The following FBXL5 variants were observed in gnomAD, a reference collection of about 807,000 sequenced individuals.
FBXL5 encodes the protein F-box and leucine rich repeat protein 5, also known as F-box/LRR-repeat protein 5.
Under a neutral mutation model 78.3 loss-of-function variants are expected in FBXL5, and 26 were observed. The observed-to-expected ratio is 0.33, with a 90% confidence interval of 0.24 to 0.46. The LOEUF (loss-of-function observed/expected upper bound fraction) is 0.46, where lower values mean the gene tolerates loss of function less well. Ranked by LOEUF, FBXL5 falls within the 20% of genes least tolerant of loss-of-function variation. The pLI is 1.00. For missense variants in FBXL5, 710 were observed against 829.2 expected (o/e 0.86, Z 1.77); for synonymous variants, 295 against 282.5 (o/e 1.04, Z -0.45).
intron 9 of FBXL5, among the ~76,000 whole-genome samples, chr4:15,621,344 T>C (rs1007521191): frequency 2.0e-4 from 31 of 152,312 alleles, no homozygotes; most frequent in African/African-American, 6.7e-4. Flanking sequence ...AGAAATAAAA[T>C]TGTATTTACA....
At chr4:15,616,096 C>G (rs1379786648) in intron 9 of FBXL5, among the ~76,000 whole-genome samples, 4 of 152,106 alleles carry the variant, frequency 2.6e-5, no homozygotes, top group African/African-American at 9.7e-5. Context: ...CCGCGAAGGT[C>G]TGCAGCTTCA....
intron 1 of FBXL5, among the ~76,000 whole-genome samples, chr4:15,645,800 T>C (rs1715293817): frequency 1.3e-5 from 2 of 152,218 alleles, no homozygotes; most frequent in Admixed American, 6.5e-5. Context: ...ACATGGTTGT[T>C]AGTACTCAAT....
At chr4:15,632,262 C>T (rs184305643) in intron 5 of FBXL5, among the ~76,000 whole-genome samples, 2 of 152,166 alleles carry the variant, frequency 1.3e-5, no homozygotes, top group Non-Finnish European at 2.9e-5. Context: ...TGTTCTGTTC[C>T]ATTGGTCTAT....
intron 1 of FBXL5, among the ~76,000 whole-genome samples, chr4:15,676,470 T>C (rs1024391732): frequency 6.6e-6 from 1 of 152,202 alleles, no homozygotes; most frequent in African/African-American, 2.4e-5. Flanking sequence ...CTCTGTTATA[T>C]ATTAAGAGAG....
intron 9 of FBXL5, among the ~76,000 whole-genome samples, chr4:15,620,825 AC>A (rs1712403145): frequency 6.6e-6 from 1 of 152,278 alleles, no homozygotes; most frequent in Non-Finnish European, 1.5e-5. Context: ...TTCTTAAGCC[AC>A]AAACAATTGC....
upstream of FBXL5, among the ~76,000 whole-genome samples, chr4:15,655,731 C>T (rs1010210957): frequency 1.3e-5 from 2 of 152,220 alleles, no homozygotes; most frequent in African/African-American, 4.8e-5. Flanking sequence ...GCGAGCTCTG[C>T]TTGTGCCCAC....
intron 1 of FBXL5, among the ~76,000 whole-genome samples, chr4:15,648,120 T>G (rs1715560206): frequency 6.6e-6 from 1 of 152,124 alleles, no homozygotes; most frequent in African/African-American, 2.4e-5. Flanking sequence ...GCATCCTGAG[T>G]TGCTGAGATT....
At chr4:15,610,900 TG>T (rs1722209209) in intron 10 of FBXL5, among the ~76,000 whole-genome samples, 3 of 152,130 alleles carry the variant, frequency 2.0e-5, no homozygotes, top group Admixed American at 2.0e-4. Flanking sequence ...CCTTAGGAAG[TG>T]GAAGTATAGC....
intron 1 of FBXL5, among the ~76,000 whole-genome samples, chr4:15,651,235 TA>T (rs1218151557): frequency 6.6e-6 from 1 of 152,106 alleles, no homozygotes; most frequent in African/African-American, 2.4e-5. Context: ...CTGTTTTGCA[TA>T]AAATCATAGA....
Position 15,625,576 on chromosome 4 carries a change from G to C in FBXL5, c.1526C>G (p.Thr509Arg), listed in dbSNP as rs139340203. 5.0e-6 allele frequency: 8 copies of C among 1,614,046 alleles called. No individual in the cohort carries two copies. The African/African-American group carries it at 1.1e-4, about 22-fold the overall frequency. ...RNVESLCVMETASNFSCSTSG... is the reference protein window; with the variant it reads ...RNVESLCVMERASNFSCSTSG... The stretch of plus-strand genomic sequence containing the variant: ...GGTGGAACAACTAAAGTTGGATGCT[G>C]TTTCCATTACACAAAGACTTTCAAC... The change falls in exon 9 of 11, where the codon ACA (threonine) becomes AGA (arginine). Residue 509 changes from threonine to arginine, a missense_variant. Transcript: ENST00000341285.
At chr4:15,669,097 G>GATAT (rs759333866) in intron 1 of FBXL5, among the ~76,000 whole-genome samples, 1 of 152,166 alleles carries the variant, frequency 6.6e-6, no homozygotes, top group Non-Finnish European at 1.5e-5. Context: ...AACTGAATTA[G>GATAT]ATATATAGTT....
chr4:15,652,887 T>C lies in FBXL5; in HGVS notation c.84+2317A>G, dbSNP rs540581111. On this transcript the variant is annotated intron_variant, in intron 1 of 10. Coordinates refer to ENST00000341285, the MANE Select transcript of FBXL5 (RefSeq NM_012161.4). ...CATTTTATATAGTTTTATTGTAAAC[T>C]GTTTGGTTGGATATCCTTGGTCTAT... Among the ~76,000 whole-genome samples the C allele has an allele frequency of 5.2e-3, 462 of 88,232 alleles. 3 individuals carry two copies. The highest frequency in any genetic ancestry group is 0.021 in the African/African-American group (445 of 21,566). 57.9% of individuals were successfully genotyped at this position (88,232 alleles called of 152,430 possible).
chr4:15,615,832 A>C (rs1711795686), intron 9 of FBXL5, among the ~76,000 whole-genome samples: 1 of 152,080 alleles, frequency 6.6e-6, no homozygotes, highest in South Asian at 2.1e-4. Flanking sequence ...GGGCCAGATA[A>C]GAGAATAAAA....
rs1275683614 is a variant in FBXL5, at chr4:15,604,478, C to G, written c.*1245G>C. 1 of 151,348 alleles carries G rather than the reference C, an allele frequency of 6.6e-6. No homozygotes were observed. Among genetic ancestry groups the G allele is most frequent in the Non-Finnish European group, 1.5e-5 (1 of 68,026 alleles). The allele number at this position is 151,348 out of a possible 1,614,324, so 9.4% of individuals were successfully genotyped here. ...AATCACTGGCCACAGATCACCACAA[C>G]AGATTTAATAATAGTGAAAAACTAT... On this transcript the variant is annotated 3_prime_UTR_variant, in exon 11 of 11. Coordinates refer to ENST00000341285, the MANE Select transcript of FBXL5 (RefSeq NM_012161.4).
intron 2 of FBXL5, 26 bp from the exon 3 acceptor site, chr4:15,640,909 T>C: frequency 7.9e-7 from 1 of 1,260,222 alleles, no homozygotes; most frequent in South Asian, 1.5e-5. Context: ...AAAATACATT[T>C]TTATAAAAGT....
intron 1 of FBXL5, among the ~76,000 whole-genome samples, chr4:15,654,753 G>T (rs1343883382): frequency 6.6e-6 from 1 of 152,172 alleles, no homozygotes; most frequent in Non-Finnish European, 1.5e-5. Flanking sequence ...GGAGAGCCCC[G>T]AACAGGCCCG....
At chr4:15,640,625 GTTTT>G (rs1009114096) in intron 3 of FBXL5, among the ~76,000 whole-genome samples, 159 bp downstream of exon 3, 1 of 144,980 alleles carries the variant, frequency 6.9e-6, no homozygotes, top group Non-Finnish European at 1.5e-5. Context: ...CAAAACAAAC[GTTTT>G]TTTTTTCCCT....
chr4:15,662,202 T>G (rs558734232), upstream of FBXL5, among the ~76,000 whole-genome samples: 2 of 152,308 alleles, frequency 1.3e-5, no homozygotes, highest in African/African-American at 4.8e-5. Flanking sequence ...AGGGCCATCT[T>G]TGAAGCTGGC....
intron 1 of FBXL5, among the ~76,000 whole-genome samples, chr4:15,675,373 A>G (rs767051171): frequency 6.6e-6 from 1 of 152,172 alleles, no homozygotes; most frequent in Non-Finnish European, 1.5e-5. Context: ...TAAATGACCA[A>G]CTACTACTAT....
Sources: gnomAD v4.1 joint callset for allele counts (sites outside exome capture counted in the v4.1 genomes callset) on GRCh38, gnomAD v4.1.1 for gene constraint, MANE v1.5 for transcripts, NCBI Gene and HGNC (gene_info 2026-07-23, HGNC 2026-07-21) for gene names.